Variants in PLEKHG7 observed in about 807,000 individuals in gnomAD.
PLEKHG7 encodes pleckstrin homology domain-containing family G member 7.
Under a neutral mutation model 85.2 loss-of-function variants are expected in PLEKHG7, and 77 were observed. That is an observed-to-expected ratio of 0.90 (90% CI 0.75 to 1.09). PLEKHG7 has a LOEUF of 1.09. Among genes scored for constraint, PLEKHG7 ranks in the 50% least tolerant of loss-of-function variants. The probability of loss-of-function intolerance (pLI) is 0.00; values close to 1 mark genes in which losing one functional copy is unlikely to be tolerated. For missense variants in PLEKHG7, 777 were observed against 804.3 expected, an observed-to-expected ratio of 0.97 and a Z score of 0.41; for synonymous variants, 301 against 302.4, an observed-to-expected ratio of 1.00 and a Z score of 0.05.
intron 3 of PLEKHG7, among the ~76,000 whole-genome samples, chr12:92,724,636 G>C (rs942621220): frequency 6.6e-6 from 1 of 152,198 alleles, no homozygotes; most frequent in Non-Finnish European, 1.5e-5. Flanking sequence ...GTCTTTGCAA[G>C]AGTTGTGATA....
intron 4 of PLEKHG7, among the ~76,000 whole-genome samples, chr12:92,730,673 G>A (rs564057945): frequency 3.3e-5 from 5 of 152,356 alleles, no homozygotes; most frequent in African/African-American, 4.8e-5. Flanking sequence ...ACCTGCCTTG[G>A]CTTCCCAAGG....
In PLEKHG7 at chr12:92,727,962, G is replaced by GTGTGTGTGTA. The variant is rs760170614; in HGVS notation, c.531-1030_531-1029insGTGTGTGTAT. On this transcript the variant is annotated intron_variant, in intron 3 of 16. Transcript: ENST00000344636. Reference sequence around the variant, plus strand: ...TGTGTGTGTGTGTGTGTGTGTGTGTGTATATATATATATACACATATATAC... The same window carrying GTGTGTGTGTA: ...TGTGTGTGTGTGTGTGTGTGTGTGTGTGTGTGTGTATATATATATATATACACATATATAC... 6.6e-3 allele frequency among the ~76,000 whole-genome samples: 642 copies of GTGTGTGTGTA among 96,582 alleles called. 69 individuals are homozygous for GTGTGTGTGTA. The highest frequency in any genetic ancestry group is 0.036 in the East Asian group (99 of 2,772). 63.4% of individuals were successfully genotyped at this position (96,582 alleles called of 152,430 possible). A position where few individuals can be genotyped will look rare whatever the true frequency, so the allele number is the denominator to read the frequency against.
intron 10 of PLEKHG7, among the ~76,000 whole-genome samples, chr12:92,746,768 A>G (rs1823204816): frequency 6.6e-6 from 1 of 152,252 alleles, no homozygotes; most frequent in Non-Finnish European, 1.5e-5. Flanking sequence ...CACCAAAAAC[A>G]TACATTGGAG....
intron 10 of PLEKHG7, among the ~76,000 whole-genome samples, chr12:92,752,405 C>A (rs17194366): frequency 0.056 from 8,529 of 152,204 alleles, 275 homozygotes; most frequent in African/African-American, 0.068. Flanking sequence ...AAACAAGAGT[C>A]CAGGAGCCAG....
Position 92,756,468 on chromosome 12 carries a change from CAGG to C in PLEKHG7, c.1636+82_1636+84del, listed in dbSNP as rs1872836625. 2.6e-6 allele frequency: 3 copies of C among 1,138,264 alleles called. No individual in the cohort carries two copies. The African/African-American group carries it at 4.6e-5, about 17-fold the overall frequency. The allele number at this position is 1,138,264 out of a possible 1,614,324, so 70.5% of individuals were successfully genotyped here. ...TGTTTGACTGCCAGTAATTGAAGAG[CAGG>C]AGGACTTGTGTTTGCCTATGTTCCA... On this transcript the variant is annotated intron_variant, in intron 13 of 16. Coordinates refer to ENST00000344636, the MANE Select transcript of PLEKHG7 (RefSeq NM_001377329.1).
Position 92,740,950 on chromosome 12 carries a change from T to G in PLEKHG7, c.1035+2T>G. 6.3e-7 allele frequency: 1 copy of G among 1,589,732 alleles called. No individual in the cohort carries two copies. Among genetic ancestry groups the G allele is most frequent in the Non-Finnish European group, 8.6e-7 (1 of 1,158,752 alleles). ...GCAAACCTGGAGGAGTTAACTCAGG[T>G]GAGCCAAGTAGGAAGATTCATGTTT... On this transcript the variant is annotated splice_donor_variant, in intron 8 of 16. Coordinates refer to ENST00000344636, the MANE Select transcript of PLEKHG7 (RefSeq NM_001377329.1). LOFTEE classifies it high-confidence loss of function.
rs892252288 is a variant in PLEKHG7 at position 92,718,552 on chromosome 12, T to C, written c.531-10441T>C. The stretch of plus-strand genomic sequence containing the variant: ...AAAAGAAAAGAAAAAGGAAATTGAT[T>C]GGTAGTTGGGTTTGGACATGCCTTT... On this transcript the variant is annotated intron_variant, in intron 3 of 16. Transcript: ENST00000344636. 1.4e-4 allele frequency among the ~76,000 whole-genome samples: 21 copies of C among 152,306 alleles called. 2 individuals are homozygous for C. The highest frequency in any genetic ancestry group is 4.8e-4 in the African/African-American group (20 of 41,574).
intron 10 of PLEKHG7, among the ~76,000 whole-genome samples, chr12:92,751,186 G>A (rs80096003): frequency 6.6e-6 from 1 of 152,178 alleles, no homozygotes; most frequent in African/African-American, 2.4e-5. Context: ...AGACAGGTCT[G>A]AATTCAAATC....
chr12:92,764,963 C>A (rs1191484144), intron 15 of PLEKHG7, among the ~76,000 whole-genome samples: 1 of 152,076 alleles, frequency 6.6e-6, no homozygotes, highest in Non-Finnish European at 1.5e-5. Flanking sequence ...GCTCCTAGAC[C>A]AGCTGAGGCC....
intron 10 of PLEKHG7, among the ~76,000 whole-genome samples, chr12:92,748,293 C>T (rs1359308506): frequency 6.7e-6 from 1 of 149,800 alleles, no homozygotes; most frequent in African/African-American, 2.5e-5. Flanking sequence ...CTCACCCAGG[C>T]TGGAGTGCGG....
At chr12:92,748,537 C>T (rs1049006116) in intron 10 of PLEKHG7, among the ~76,000 whole-genome samples, 6 of 151,918 alleles carry the variant, frequency 3.9e-5, no homozygotes, top group Middle Eastern at 3.4e-3. Flanking sequence ...CGTGAGCCAC[C>T]GCACCCAGCT....
intron 9 of PLEKHG7, among the ~76,000 whole-genome samples, chr12:92,744,663 T>G (rs1427698564): frequency 1.3e-5 from 2 of 151,478 alleles, no homozygotes; most frequent in African/African-American, 4.9e-5. Context: ...TTTCTTTTTT[T>G]TTTTTTTGTT....
At chr12:92,751,428 C>A (rs1872686986) in intron 10 of PLEKHG7, among the ~76,000 whole-genome samples, 2 of 152,172 alleles carry the variant, frequency 1.3e-5, no homozygotes, top group African/African-American at 4.8e-5. Context: ...TGCAGTGGTG[C>A]TATCTTGGCT....
intron 3 of PLEKHG7, among the ~76,000 whole-genome samples, chr12:92,716,379 T>C (rs1037290942): frequency 1.4e-4 from 21 of 152,348 alleles, no homozygotes; most frequent in Non-Finnish European, 2.8e-4. Context: ...ATTACAGGTA[T>C]TACAGTGTTT....
At chr12:92,712,354 A>ACAAGAATG (rs553179856) in intron 3 of PLEKHG7, among the ~76,000 whole-genome samples, 116 of 152,308 alleles carry the variant, frequency 7.6e-4, no homozygotes, top group African/African-American at 2.8e-3. Flanking sequence ...GGCCTTATGG[A>ACAAGAATG]CAAGAATGGA....
intron 14 of PLEKHG7, 75 bp from the exon 15 acceptor site, chr12:92,763,966 C>A: frequency 7.7e-7 from 1 of 1,291,472 alleles, no homozygotes; most frequent in South Asian, 1.6e-5. Flanking sequence ...AATCTATTTG[C>A]TTACAGATGC....
At chr12:92,738,626 A>T (rs975490619) in intron 7 of PLEKHG7, among the ~76,000 whole-genome samples, 2 of 152,248 alleles carry the variant, frequency 1.3e-5, no homozygotes, top group Admixed American at 1.3e-4. Context: ...TGTCACCCAG[A>T]AAACATCATT....
At chr12:92,709,747 G>A (rs2136570728) in intron 3 of PLEKHG7, among the ~76,000 whole-genome samples, 1 of 152,294 alleles carries the variant, frequency 6.6e-6, no homozygotes, top group South Asian at 2.1e-4. Context: ...AATTTTAAAA[G>A]AACAGCTAGG....
intron 9 of PLEKHG7, among the ~76,000 whole-genome samples, chr12:92,744,668 T>G (rs1035729295): frequency 3.7e-4 from 56 of 151,614 alleles, no homozygotes; most frequent in East Asian, 1.5e-3. Context: ...TTTTTTTTTT[T>G]TTGTTTTTGG....
Sources: gnomAD v4.1 joint callset for allele counts (sites outside exome capture counted in the v4.1 genomes callset) on GRCh38, gnomAD v4.1.1 for gene constraint, MANE v1.5 for transcripts, NCBI Gene and HGNC (gene_info 2026-07-23, HGNC 2026-07-21) for gene names.